SAMD9: variants seen among roughly 807,000 people sequenced by gnomAD.
SAMD9 encodes sterile alpha motif domain-containing protein 9.
In SAMD9, 3 loss-of-function variants were observed where a neutral mutation model predicts 1.5. The observed-to-expected ratio is 2.05, with a 90% CI of 0.93 to 5.29. The LOEUF is 5.29. Among genes scored for constraint, SAMD9 ranks in the 30% most tolerant of loss-of-function variants. The pLI, the probability that SAMD9 is intolerant of heterozygous loss-of-function variation, is 0.02. For synonymous variants in SAMD9, 635 were observed against 631.9 expected (o/e 1.00, Z -0.07); for missense variants, 1,597 against 1,820.8 (o/e 0.88, Z 2.24).
In SAMD9 at chr7:93,101,331, A is replaced by C; in HGVS notation, c.4767T>G (p.Val1589=). ...GGPLAYDIEI[V] ...TTGGAGGAAGAATATCAGGCTCTTA[A>C]ACAATTTCAATGTCATAAGCAAGTG... The change falls in exon 3 of 3, where the codon GTT becomes GTG. Residue 1589 remains valine, a synonymous_variant. Coordinates refer to ENST00000379958, the MANE Select transcript of SAMD9 (RefSeq NM_017654.4). 1 of 1,610,624 alleles carries C rather than the reference A, an allele frequency of 6.2e-7. No homozygotes were observed. Among genetic ancestry groups the C allele is most frequent in the South Asian group, 1.1e-5 (1 of 91,060 alleles).
chr7:93,104,278 GA>G lies in SAMD9; in HGVS notation c.1819del (p.Ser607LeufsTer3). The G allele has an allele frequency of 6.2e-7, 1 of 1,613,416 alleles. No homozygotes were observed. The highest frequency in any genetic ancestry group is 1.1e-5 in the South Asian group (1 of 91,018). On this transcript the variant is annotated frameshift_variant, in exon 3 of 3. Transcript: ENST00000379958. LOFTEE classifies it low-confidence loss of function (END_TRUNC). ...ATTGATCTCTTCAAGGCTTAAAGCA[GA>G]AATACATTGGCTTGAAATTTCATCT... is the stretch of plus-strand genomic sequence containing the variant. The part of the protein sequence containing the change: ...HQDEISSQCI[S>X]ALSLEEINGT...
In SAMD9 at chr7:93,105,061, C is replaced by G. The variant is rs1444597997; in HGVS notation, c.1037G>C (p.Gly346Ala). The G allele has an allele frequency of 1.2e-6, 2 of 1,613,778 alleles. No homozygotes were observed. The highest frequency in any genetic ancestry group is 1.7e-6 in the Non-Finnish European group (2 of 1,179,958). Residue 346 changes from glycine to alanine, a missense_variant, in exon 3 of 3, where the codon GGG (glycine) becomes GCG (alanine). By Grantham distance (60) the Gly-to-Ala change is moderately conservative. Coordinates refer to ENST00000379958, the MANE Select transcript of SAMD9 (RefSeq NM_017654.4). Reference protein sequence around the residue: ...SKKFSLFVRDGTSSKDITKNK... With the variant: ...SKKFSLFVRDATSSKDITKNK... ...TTTCGTAATGTCCTTAGAGCTGGTC[C>G]CATCTCGCACAAATAGTGAGAATTT...
At position 93,102,085 on chromosome 7, in the gene SAMD9, G is replaced by T. The variant is rs771288483; in HGVS notation, c.4013C>A (p.Ala1338Asp). ...CCCAGAAAACTTGTCTGCTTTTAAA[G>T]CTACTAGGTTTCTCCTGCATCTCTC... ...QVERCRRNLVALKADKFSGLL... is the reference protein window; with the variant it reads ...QVERCRRNLVDLKADKFSGLL... The change falls in exon 3 of 3, where the codon GCT (alanine) becomes GAT (aspartate). Residue 1338 changes from alanine (A) to aspartate (D), a missense_variant. Physicochemically the swap from Ala to Asp is moderately radical, Grantham distance 126. Coordinates refer to ENST00000379958, the MANE Select transcript of SAMD9 (RefSeq NM_017654.4). 3 of 1,613,066 alleles carry T rather than the reference G, an allele frequency of 1.9e-6. No individual in the cohort carries two copies. The highest frequency in any genetic ancestry group is 2.5e-6 in the Non-Finnish European group (3 of 1,179,770).
Position 93,100,057 on chromosome 7 carries a change from A to G in SAMD9, c.*1271T>C, listed in dbSNP as rs1043503941. 1.3e-5 allele frequency: 2 copies of G among 152,080 alleles called. No individual in the cohort carries two copies. The highest frequency in any genetic ancestry group is 1.3e-4 in the Admixed American group (2 of 15,264). 9.4% of individuals were successfully genotyped at this position (152,080 alleles called of 1,614,324 possible). A position where few individuals can be genotyped will look rare whatever the true frequency, so the allele number is the denominator to read the frequency against. On this transcript the variant is annotated 3_prime_UTR_variant, in exon 3 of 3. Coordinates refer to ENST00000379958, the MANE Select transcript of SAMD9 (RefSeq NM_017654.4). ...ATCTAAAGTCTATATGTTGCCCTTT[A>G]GTTGTTAAGTCCCTTATAATGTATA...
At chr7:93,107,895 G>C (rs906409816) in intron 2 of SAMD9, among the ~76,000 whole-genome samples, 8 of 152,048 alleles carry the variant, frequency 5.3e-5, no homozygotes, top group Non-Finnish European at 4.4e-5. Flanking sequence ...TTTACTATTG[G>C]GGAAGCTAGG....
At chr7:93,114,413 C>CGTT (rs1791800789) in intron 2 of SAMD9, among the ~76,000 whole-genome samples, 1 of 151,834 alleles carries the variant, frequency 6.6e-6, no homozygotes, top group Non-Finnish European at 1.5e-5. Context: ...CAAAGCTGCA[C>CGTT]GTTGTGCACA....
In SAMD9 at chr7:93,099,525, C is replaced by G. The variant is rs560738961; in HGVS notation, c.*1803G>C. On this transcript the variant is annotated 3_prime_UTR_variant, in exon 3 of 3. Transcript: ENST00000379958. ...CAGGCTGAACGCCATAAATAATATA[C>G]AATTTTTATTTGTCAATTAGAAAGT... The G allele has an allele frequency of 2.6e-5, 4 of 152,100 alleles. No individual in the cohort carries two copies. Among genetic ancestry groups the G allele is most frequent in the Non-Finnish European group, 5.9e-5 (4 of 68,026 alleles). 9.4% of individuals were successfully genotyped at this position (152,100 alleles called of 1,614,324 possible).
At chr7:93,112,280 A>G (rs1362571481) in intron 2 of SAMD9, among the ~76,000 whole-genome samples, 1 of 152,208 alleles carries the variant, frequency 6.6e-6, no homozygotes, top group African/African-American at 2.4e-5. Flanking sequence ...AACTCTCAAT[A>G]AACTAGGTAT....
intron 2 of SAMD9, among the ~76,000 whole-genome samples, chr7:93,112,044 G>A (rs1562778807): frequency 6.6e-6 from 1 of 152,202 alleles, no homozygotes; most frequent in African/African-American, 2.4e-5. Context: ...GAACATCGAT[G>A]CAAAAATCCC....
chr7:93,110,385 A>G (rs1320901293), intron 2 of SAMD9, among the ~76,000 whole-genome samples: 1 of 152,248 alleles, frequency 6.6e-6, no homozygotes, highest in East Asian at 1.9e-4. Flanking sequence ...GATGCTAGGA[A>G]GAAACTGCAT....
rs1178379942 is a variant in SAMD9, at chr7:93,105,793, GAC to G, written c.303_304del (p.Gln103LysfsTer4). The G allele has an allele frequency of 1.2e-6, 2 of 1,613,992 alleles. No individual in the cohort carries two copies. The highest frequency in any genetic ancestry group is 2.7e-5 in the African/African-American group (2 of 74,922). On this transcript the variant is annotated frameshift_variant, in exon 3 of 3. Transcript: ENST00000379958. LOFTEE classifies it low-confidence loss of function (END_TRUNC). ...TGAAGTTTCTCTACGTTCCTTTTGAGACACAGTTTGGTCTTTAGGAGCATTTT... is the reference window on the plus strand; with the variant it reads ...TGAAGTTTCTCTACGTTCCTTTTGAGACAGTTTGGTCTTTAGGAGCATTTT...
Position 93,102,720 on chromosome 7 carries a change from G to T in SAMD9, c.3378C>A (p.Val1126=). The change falls in exon 3 of 3, where the codon GTC becomes GTA. Residue 1126 remains valine, a synonymous_variant. Coordinates refer to ENST00000379958, the MANE Select transcript of SAMD9 (RefSeq NM_017654.4). ...TCCACCATCTTATTTTACTTTTGTA[G>T]ACTTGACCCAGTGTATCTGAGATAT... is the stretch of plus-strand genomic sequence containing the variant. The part of the protein sequence containing the change: ...NSYISDTLGQ[V]YKSKIRWWIE... 1 of 1,613,768 alleles carries T rather than the reference G, an allele frequency of 6.2e-7. No individual in the cohort carries two copies. Among genetic ancestry groups the T allele is most frequent in the South Asian group, 1.1e-5 (1 of 91,066 alleles).
chr7:93,110,103 G>C (rs529445431), intron 2 of SAMD9, among the ~76,000 whole-genome samples: 5 of 152,342 alleles, frequency 3.3e-5, no homozygotes, highest in East Asian at 3.9e-4. Flanking sequence ...ATTAACAGCA[G>C]ATCTCTTGGC....
Position 93,104,339 on chromosome 7 carries a change from T to C in SAMD9, c.1759A>G (p.Lys587Glu), listed in dbSNP as rs764754041. 8.1e-6 allele frequency: 13 copies of C among 1,613,682 alleles called. No homozygotes were observed. Among genetic ancestry groups the C allele is most frequent in the African/African-American group, 4.0e-5 (3 of 74,908 alleles). The change falls in exon 3 of 3, where the codon AAA becomes GAA. Residue 587 changes from lysine (K) to glutamate (E), a missense_variant. Around this residue, in one of 6 missense-constraint regions of SAMD9, gnomAD observed 358 missense variants for 460.4 expected, o/e 0.78. Transcript: ENST00000379958. The stretch of plus-strand genomic sequence containing the variant: ...ATTAATCTTGCTTCAAGTAGATCTT[T>C]CCATCCCTGAAATATGTGTGGGTGC... ...CVHPHIFQGW[K>E]DLLEARLIKH...
rs189119266 is a variant in SAMD9 at position 93,114,078 on chromosome 7, A to G, written c.-9+717T>C. On this transcript the variant is annotated intron_variant, in intron 2 of 2. Coordinates refer to ENST00000379958, the MANE Select transcript of SAMD9 (RefSeq NM_017654.4). Reference sequence around the variant, plus strand: ...TGTCCATCATTGATAGACTGGATTAAGAAAATGTGGCACATATACACCATG... The same window carrying G: ...TGTCCATCATTGATAGACTGGATTAGGAAAATGTGGCACATATACACCATG... 3.3e-3 allele frequency among the ~76,000 whole-genome samples: 497 copies of G among 152,286 alleles called. 3 individuals carry two copies. Among genetic ancestry groups the G allele is most frequent in the East Asian group, 0.03 (156 of 5,184 alleles).
At position 93,102,734 on chromosome 7, in the gene SAMD9, T is replaced by A; in HGVS notation, c.3364A>T (p.Thr1122Ser). The A allele has an allele frequency of 6.2e-7, 1 of 1,613,910 alleles. No homozygotes were observed. Among genetic ancestry groups the A allele is most frequent in the Non-Finnish European group, 8.5e-7 (1 of 1,179,778 alleles). ...TTACTTTTGTAGACTTGACCCAGTGTATCTGAGATATAAGAATTGTCAGGT... is the reference window on the plus strand; with the variant it reads ...TTACTTTTGTAGACTTGACCCAGTGAATCTGAGATATAAGAATTGTCAGGT... ...IEPDNSYISD[T>S]LGQVYKSKIR... The change falls in exon 3 of 3, where the codon ACA becomes TCA. Residue 1122 changes from threonine (T) to serine (S), a missense_variant. Around this residue, in one of 6 missense-constraint regions of SAMD9, gnomAD observed 682 missense variants for 810.0 expected, o/e 0.84. Transcript: ENST00000379958.
chr7:93,115,626 C>T (rs1384997558), intron 1 of SAMD9, among the ~76,000 whole-genome samples: 1 of 152,072 alleles, frequency 6.6e-6, no homozygotes, highest in African/African-American at 2.4e-5. Context: ...TTCATAAAGG[C>T]TTACCCTTAA....
At chr7:93,115,201 G>A (rs1478305981) in intron 1 of SAMD9, among the ~76,000 whole-genome samples, 1 of 152,208 alleles carries the variant, frequency 6.6e-6, no homozygotes, top group East Asian at 1.9e-4. Flanking sequence ...ATGCCTACCA[G>A]AATGGCTAAA....
chr7:93,104,366 C>A lies in SAMD9; in HGVS notation c.1732G>T (p.Val578Leu), dbSNP rs1411791490. ...CATCCCTGAAATATGTGTGGGTGCACACAAATACACAGTATATTTTCCATT... is the reference window on the plus strand; with the variant it reads ...CATCCCTGAAATATGTGTGGGTGCAAACAAATACACAGTATATTTTCCATT... ...KGMENILCIC[V>L]HPHIFQGWKD... The change falls in exon 3 of 3, where the codon GTG (valine) becomes TTG (leucine). Residue 578 changes from valine to leucine, a missense_variant. Physicochemically the swap from Val to Leu is conservative, Grantham distance 32. Around this residue, in one of 6 missense-constraint regions of SAMD9, gnomAD observed 358 missense variants for 460.4 expected, o/e 0.78. Transcript: ENST00000379958. 10 of 1,613,736 alleles carry A rather than the reference C, an allele frequency of 6.2e-6. No individual in the cohort carries two copies. Among genetic ancestry groups the A allele is most frequent in the Non-Finnish European group, 8.5e-6 (10 of 1,179,864 alleles).
Sources: allele counts gnomAD v4.1 joint callset (sites outside exome capture counted in the v4.1 genomes callset), GRCh38; gene constraint gnomAD v4.1.1; regional missense constraint gnomAD v4.1.1; transcripts MANE v1.5; gene names NCBI Gene and HGNC (gene_info 2026-07-23, HGNC 2026-07-21).